Variants in ALKAL1 observed in about 807,000 individuals in gnomAD.
ALKAL1 encodes the protein AUG-beta.
Under a neutral mutation model 13.5 loss-of-function variants are expected in ALKAL1, and 23 were observed. The observed-to-expected ratio is 1.70, with a 90% CI of 1.23 to 2.41. The LOEUF is 2.41. Ranked by LOEUF, ALKAL1 falls within the 30% of genes most tolerant of loss-of-function variation. ALKAL1 has a pLI of 0.00. For missense variants in ALKAL1, 181 were observed against 178.4 expected, an observed-to-expected ratio of 1.01 and a Z score of -0.08; for synonymous variants, 85 against 77.7, an observed-to-expected ratio of 1.09 and a Z score of -0.49.
chr8:52,542,092 A>C (rs1336385417), intron 2 of ALKAL1, among the ~76,000 whole-genome samples: 2 of 152,154 alleles, frequency 1.3e-5, no homozygotes, highest in Non-Finnish European at 2.9e-5. Flanking sequence ...ACCACGGGAA[A>C]GCCTTATTCA....
chr8:52,563,628 A>G (rs970232364), intron 1 of ALKAL1, among the ~76,000 whole-genome samples: 6 of 152,158 alleles, frequency 3.9e-5, no homozygotes, highest in Non-Finnish European at 8.8e-5. Flanking sequence ...TCTGAGATAA[A>G]TATTTTAGGC....
chr8:52,554,964 G>A (rs1305874083), intron 1 of ALKAL1, among the ~76,000 whole-genome samples: 2 of 152,316 alleles, frequency 1.3e-5, no homozygotes, highest in East Asian at 3.9e-4. Context: ...GAGGTCAGGA[G>A]ATCGAGACCA....
intron 3 of ALKAL1, among the ~76,000 whole-genome samples, chr8:52,539,261 G>A (rs1010733163): frequency 2.6e-5 from 4 of 152,072 alleles, no homozygotes; most frequent in Admixed American, 6.6e-5. Flanking sequence ...TAAAAACAGC[G>A]AACTGAGTTA....
At chr8:52,536,973 G>A (rs531493671) in intron 4 of ALKAL1, among the ~76,000 whole-genome samples, 1 of 152,268 alleles carries the variant, frequency 6.6e-6, no homozygotes, top group African/African-American at 2.4e-5. Flanking sequence ...TGCTAAAATA[G>A]GCTTCCTGGC....
chr8:52,546,600 T>G (rs1847371645), intron 1 of ALKAL1, among the ~76,000 whole-genome samples: 1 of 152,230 alleles, frequency 6.6e-6, no homozygotes, highest in African/African-American at 2.4e-5. Context: ...AAACCTTTCA[T>G]AAGCAACTTC....
At chr8:52,557,466 T>C (rs189866711) in intron 1 of ALKAL1, among the ~76,000 whole-genome samples, 3 of 152,370 alleles carry the variant, frequency 2.0e-5, no homozygotes, top group African/African-American at 7.2e-5. Context: ...ATAAACTTTT[T>C]ACAAAACTAT....
chr8:52,542,152 T>C (rs1205218578), intron 2 of ALKAL1, among the ~76,000 whole-genome samples: 1 of 152,208 alleles, frequency 6.6e-6, no homozygotes, highest in Non-Finnish European at 1.5e-5. Flanking sequence ...CCGTTCTTGG[T>C]AGTTCTTGGC....
chr8:52,547,323 C>A (rs1296940314), intron 1 of ALKAL1, among the ~76,000 whole-genome samples: 1 of 151,950 alleles, frequency 6.6e-6, no homozygotes, highest in South Asian at 2.1e-4. Context: ...CATGGCGAAA[C>A]CCCATCTCCA....
At chr8:52,545,021 T>G (rs561801744) in intron 1 of ALKAL1, among the ~76,000 whole-genome samples, 1 of 152,172 alleles carries the variant, frequency 6.6e-6, no homozygotes, top group South Asian at 2.1e-4. Context: ...GCTCAAGCGA[T>G]CCTCCCACCT....
chr8:52,560,883 G>C (rs1256294037), intron 1 of ALKAL1, among the ~76,000 whole-genome samples: 2 of 151,992 alleles, frequency 1.3e-5, no homozygotes, highest in Non-Finnish European at 2.9e-5. Flanking sequence ...TTTTCACTTT[G>C]ACCTCTCCCC....
In ALKAL1 at chr8:52,562,280, A is replaced by C. The variant is rs570416367; in HGVS notation, c.190+2787T>G. Among the ~76,000 whole-genome samples the C allele has an allele frequency of 1.8e-4, 27 of 152,290 alleles. No individual in the cohort carries two copies. In the Middle Eastern group the frequency reaches 0.014, roughly 77 times the overall value. ...AAACTCTCAAGAGGGTCTGAACTAG[A>C]GTGGTGGGAAGGACACTAAAAAGGA... On this transcript the variant is annotated intron_variant, in intron 1 of 4. Transcript: ENST00000358543.
In ALKAL1 at chr8:52,565,412, G is replaced by A. The variant is rs529496296; in HGVS notation, c.-156C>T. ...CGCCTGCCCTTGTCTACGTCCCGGGGGTCGGCTGGAGCTGCACTGGGACTC... is the reference window on the plus strand; with the variant it reads ...CGCCTGCCCTTGTCTACGTCCCGGGAGTCGGCTGGAGCTGCACTGGGACTC... On this transcript the variant is annotated 5_prime_UTR_variant, in exon 1 of 5. Transcript: ENST00000358543. 2.2e-5 allele frequency: 11 copies of A among 498,556 alleles called. No homozygotes were observed. In the East Asian group the frequency reaches 2.8e-4, roughly 13 times the overall value. 30.9% of individuals were successfully genotyped at this position (498,556 alleles called of 1,614,324 possible). A position where few individuals can be genotyped will look rare whatever the true frequency, so the allele number is the denominator to read the frequency against.
chr8:52,561,650 C>T (rs1008708918), intron 1 of ALKAL1, among the ~76,000 whole-genome samples: 10 of 152,126 alleles, frequency 6.6e-5, no homozygotes, highest in African/African-American at 2.4e-4. Context: ...CAAGAGAAAC[C>T]ACAGCAGATT....
intron 1 of ALKAL1, among the ~76,000 whole-genome samples, chr8:52,545,516 C>A (rs1484527902): frequency 6.7e-6 from 1 of 149,688 alleles, no homozygotes. Flanking sequence ...TCCCTCCCTG[C>A]ACACACCCCT....
chr8:52,558,013 G>T (rs1404547615), intron 1 of ALKAL1, among the ~76,000 whole-genome samples: 1 of 150,540 alleles, frequency 6.6e-6, no homozygotes, highest in African/African-American at 2.4e-5. Flanking sequence ...TCATACTGGG[G>T]CCTGATGCAG....
chr8:52,558,983 C>A (rs1024809115), intron 1 of ALKAL1, among the ~76,000 whole-genome samples: 2 of 152,126 alleles, frequency 1.3e-5, no homozygotes, highest in Non-Finnish European at 2.9e-5. Context: ...GTGCAGAGAA[C>A]CCGTGGCCTG....
chr8:52,554,660 C>T (rs961449213), intron 1 of ALKAL1, among the ~76,000 whole-genome samples: 1 of 152,098 alleles, frequency 6.6e-6, no homozygotes, highest in Non-Finnish European at 1.5e-5. Context: ...AAGAAGATAC[C>T]TTTTGGAATC....
intron 1 of ALKAL1, among the ~76,000 whole-genome samples, chr8:52,544,220 C>A (rs1156597796): frequency 2.0e-5 from 3 of 151,992 alleles, no homozygotes; most frequent in Non-Finnish European, 4.4e-5. Flanking sequence ...CTCAGTACAG[C>A]CCACCAAGAA....
chr8:52,546,720 A>G (rs1048909724), intron 1 of ALKAL1, among the ~76,000 whole-genome samples: 1 of 152,258 alleles, frequency 6.6e-6, no homozygotes, highest in Non-Finnish European at 1.5e-5. Flanking sequence ...CAATGGATGC[A>G]GGACACAGCA....
Sources: gnomAD v4.1 joint callset for allele counts (sites outside exome capture counted in the v4.1 genomes callset) on GRCh38, gnomAD v4.1.1 for gene constraint, MANE v1.5 for transcripts, NCBI Gene and HGNC (gene_info 2026-07-23, HGNC 2026-07-21) for gene names.